The following SH3RF3 variants were observed in gnomAD, a reference collection of about 807,000 sequenced individuals.
The protein encoded by SH3RF3 is E3 ubiquitin-protein ligase SH3RF3.
A neutral mutation model predicts 66.3 loss-of-function variants in SH3RF3; 29 were observed. That is an observed-to-expected ratio of 0.44 (90% CI 0.33 to 0.60). The LOEUF (loss-of-function observed/expected upper bound fraction) is 0.60. Ranked by LOEUF, SH3RF3 falls within the 20% of genes least tolerant of loss-of-function variation. The probability of loss-of-function intolerance (pLI) is 0.04; values close to 1 mark genes in which losing one functional copy is unlikely to be tolerated. For missense variants in SH3RF3, 1,194 were observed against 1,190.9 expected (o/e 1.00, Z -0.04); for synonymous variants, 583 against 532.0 (o/e 1.10, Z -1.32).
At chr2:109,327,962 A>C (rs1403357825) in intron 1 of SH3RF3, among the ~76,000 whole-genome samples, 1 of 152,234 alleles carries the variant, frequency 6.6e-6, no homozygotes, top group African/African-American at 2.4e-5. Flanking sequence ...ACCCTGTGTC[A>C]GGCGATATCC....
At chr2:109,384,312 G>A (rs1012150958) in intron 3 of SH3RF3, among the ~76,000 whole-genome samples, 5 of 152,296 alleles carry the variant, frequency 3.3e-5, no homozygotes, top group Admixed American at 1.3e-4. Context: ...TCTACTCTCC[G>A]TGGAGAAAGT....
intron 2 of SH3RF3, among the ~76,000 whole-genome samples, chr2:109,355,620 T>A (rs1183238775): frequency 1.3e-5 from 2 of 152,222 alleles, no homozygotes; most frequent in African/African-American, 4.8e-5. Flanking sequence ...GTTGTCCCTG[T>A]ATGCTCCCTT....
chr2:109,254,357 T>G (rs1213340659), intron 1 of SH3RF3, among the ~76,000 whole-genome samples: 1 of 152,172 alleles, frequency 6.6e-6, no homozygotes, highest in Non-Finnish European at 1.5e-5. Context: ...CAAGTTGGCC[T>G]CTCTGTGCCT....
At chr2:109,280,722 T>C (rs1680866364) in intron 1 of SH3RF3, among the ~76,000 whole-genome samples, 1 of 152,242 alleles carries the variant, frequency 6.6e-6, no homozygotes, top group South Asian at 2.1e-4. Context: ...CTGGAGACGT[T>C]GGAAATGGGG....
At chr2:109,378,405 C>T (rs1683439449) in intron 3 of SH3RF3, among the ~76,000 whole-genome samples, 1 of 152,162 alleles carries the variant, frequency 6.6e-6, no homozygotes. Flanking sequence ...TTATGCACCC[C>T]CACCTGAGAC....
intron 1 of SH3RF3, among the ~76,000 whole-genome samples, chr2:109,334,973 C>T (rs549181059): frequency 3.9e-5 from 6 of 152,248 alleles, no homozygotes; most frequent in Non-Finnish European, 7.3e-5. Context: ...CCAGGCCATG[C>T]GTCCTGGTGC....
chr2:109,371,948 T>A (rs1387130874), intron 3 of SH3RF3, among the ~76,000 whole-genome samples: 1 of 152,152 alleles, frequency 6.6e-6, no homozygotes, highest in Non-Finnish European at 1.5e-5. Flanking sequence ...AGGGCCCCCT[T>A]GTGCACCTTC....
chr2:109,179,137 C>T (rs773949386), intron 1 of SH3RF3, among the ~76,000 whole-genome samples: 11 of 151,738 alleles, frequency 7.2e-5, no homozygotes, highest in South Asian at 2.1e-4. Context: ...TGGAAGGAAA[C>T]GAGTAGGATG....
At chr2:109,411,706 A>G (rs1317383587) in intron 4 of SH3RF3, among the ~76,000 whole-genome samples, 1 of 152,070 alleles carries the variant, frequency 6.6e-6, no homozygotes, top group African/African-American at 2.4e-5. Flanking sequence ...ACCACACCAC[A>G]CACCCATGCT....
At chr2:109,170,986 CA>C (rs1350435539) in intron 1 of SH3RF3, among the ~76,000 whole-genome samples, 10 of 152,148 alleles carry the variant, frequency 6.6e-5, no homozygotes, top group Admixed American at 6.5e-5. Flanking sequence ...GGGCGCTCCC[CA>C]CAGGAACCAA....
At chr2:109,370,528 C>G (rs1287554121) in intron 2 of SH3RF3, among the ~76,000 whole-genome samples, 1 of 152,128 alleles carries the variant, frequency 6.6e-6, no homozygotes, top group Non-Finnish European at 1.5e-5. Flanking sequence ...CATGAGCCAC[C>G]GCGCCCGGCC....
At chr2:109,393,636 C>G (rs1676061174) in intron 3 of SH3RF3, among the ~76,000 whole-genome samples, 1 of 152,016 alleles carries the variant, frequency 6.6e-6, no homozygotes, top group Non-Finnish European at 1.5e-5. Context: ...CCCTTGGCTT[C>G]CTGGATTTCC....
At chr2:109,457,084 A>G (rs988104197) in intron 8 of SH3RF3, among the ~76,000 whole-genome samples, 1 of 152,234 alleles carries the variant, frequency 6.6e-6, no homozygotes, top group Non-Finnish European at 1.5e-5. Context: ...TCCACCTTCC[A>G]TGCCTCAGTT....
At chr2:109,319,757 C>G (rs7583358) in intron 1 of SH3RF3, among the ~76,000 whole-genome samples, 6 of 152,210 alleles carry the variant, frequency 3.9e-5, no homozygotes, top group African/African-American at 7.2e-5. Context: ...CTGTCCAGGC[C>G]GTGTGTGGCT....
At position 109,419,553 on chromosome 2, in the gene SH3RF3, G is replaced by A. The variant is rs189648861; in HGVS notation, c.1314G>A (p.Ser438=). The A allele has an allele frequency of 9.8e-4, 1,561 of 1,596,796 alleles. 8 individuals carry two copies. Among genetic ancestry groups the A allele is most frequent in the African/African-American group, 9.2e-3 (687 of 74,746 alleles). The change falls in exon 5 of 10, where the codon TCG becomes TCA. Residue 438 remains serine, a synonymous_variant. Transcript: ENST00000309415. ...CAAPTQDVSS[S]AGSTPTAVPR... ...TCTGTTTCCAGGATGTCTCCTCCTC[G>A]GCGGGATCTACCCCCACGGCTGTCC...
chr2:109,478,139 T>C (rs933030693), intron 8 of SH3RF3, among the ~76,000 whole-genome samples: 1 of 152,212 alleles, frequency 6.6e-6, no homozygotes, highest in African/African-American at 2.4e-5. Context: ...AGCTGCCTGA[T>C]TGGAGGCCGC....
intron 1 of SH3RF3, among the ~76,000 whole-genome samples, chr2:109,242,673 C>T (rs1679815081): frequency 6.6e-6 from 1 of 152,182 alleles, no homozygotes; most frequent in Admixed American, 6.5e-5. Context: ...CCAATGGCTG[C>T]TTGGCCAGAC....
At chr2:109,231,126 A>G (rs979128564) in intron 1 of SH3RF3, among the ~76,000 whole-genome samples, 2 of 152,244 alleles carry the variant, frequency 1.3e-5, no homozygotes, top group Non-Finnish European at 2.9e-5. Context: ...CTTGCCTAGC[A>G]TGGACTTAGT....
chr2:109,497,735 G>A (rs1354892444), intron 9 of SH3RF3, among the ~76,000 whole-genome samples: 2 of 152,218 alleles, frequency 1.3e-5, no homozygotes, highest in Admixed American at 6.5e-5. Flanking sequence ...TATAAATTCA[G>A]CCCACATCCA....
Sources: allele counts gnomAD v4.1 joint callset (sites outside exome capture counted in the v4.1 genomes callset), GRCh38; gene constraint gnomAD v4.1.1; transcripts MANE v1.5; gene names NCBI Gene and HGNC (gene_info 2026-07-23, HGNC 2026-07-21).